GPR137B: variants seen among roughly 807,000 people sequenced by gnomAD.
GPR137B encodes the protein G protein-coupled receptor 137B.
In GPR137B, 42 loss-of-function variants were observed where a neutral mutation model predicts 42.5. The ratio of observed to expected loss-of-function variants is 0.99; its 90% CI spans 0.77 to 1.28. The LOEUF (loss-of-function observed/expected upper bound fraction) is 1.28, where lower values mean the gene tolerates loss of function less well. Among genes scored for constraint, GPR137B ranks in the 50% most tolerant of loss-of-function variants. The pLI is 0.00. For synonymous variants in GPR137B, 218 were observed against 209.7 expected (o/e 1.04, Z -0.34); for missense variants, 487 against 493.9 (o/e 0.99, Z 0.13).
intron 1 of GPR137B, among the ~76,000 whole-genome samples, chr1:236,151,418 A>ATTTTTTTTTTTTTT (rs60574023): frequency 1.4e-5 from 1 of 72,370 alleles, no homozygotes; most frequent in Non-Finnish European, 2.5e-5. Flanking sequence ...TTGCATATTC[A>ATTTTTTTTTTTTTT]TTTTTTTTTT....
chr1:236,179,126 G>A (rs1325657967), intron 3 of GPR137B, among the ~76,000 whole-genome samples: 2 of 151,860 alleles, frequency 1.3e-5, no homozygotes, highest in Non-Finnish European at 2.9e-5. Flanking sequence ...CAGAACTGTG[G>A]TTTTTAATAG....
chr1:236,208,175 T>A lies in GPR137B; in HGVS notation c.*17T>A. ...CTTGGGTAGCATCAGTTAACAGTTT[T>A]ATGGACGATTCCTCAGATGAAAAGC... On this transcript the variant is annotated 3_prime_UTR_variant, in exon 7 of 7. Transcript: ENST00000366592. The A allele has an allele frequency of 6.2e-7, 1 of 1,612,224 alleles. No individual in the cohort carries two copies. The highest frequency in any genetic ancestry group is 8.5e-7 in the Non-Finnish European group (1 of 1,178,926).
chr1:236,162,507 T>G (rs1276517868), intron 1 of GPR137B, among the ~76,000 whole-genome samples: 1 of 152,226 alleles, frequency 6.6e-6, no homozygotes, highest in East Asian at 1.9e-4. Context: ...CCCCAGGCCA[T>G]GTCAGAGACC....
intron 5 of GPR137B, among the ~76,000 whole-genome samples, chr1:236,190,806 T>C (rs1262062132): frequency 6.7e-6 from 1 of 150,138 alleles, no homozygotes. Context: ...GACGATTATG[T>C]GTCTGACGAT....
In GPR137B at chr1:236,208,738, ATTT is replaced by A. The variant is rs559622081; in HGVS notation, c.*588_*590del. Reference sequence around the variant, plus strand: ...GCAGCAGACTGTAAGGTCTTTAGAGATTTTTTTTTTAAGGTTCAGGCCGTAGGT... The same window carrying A: ...GCAGCAGACTGTAAGGTCTTTAGAGATTTTTTTAAGGTTCAGGCCGTAGGT... On this transcript the variant is annotated 3_prime_UTR_variant, in exon 7 of 7. Transcript: ENST00000366592. 2.1e-5 allele frequency: 19 copies of A among 890,754 alleles called. No individual in the cohort carries two copies. The East Asian group carries it at 1.8e-3, about 84-fold the overall frequency. 55.2% of individuals were successfully genotyped at this position (890,754 alleles called of 1,614,324 possible). A position where few individuals can be genotyped will look rare whatever the true frequency, so the allele number is the denominator to read the frequency against.
chr1:236,152,582 C>T (rs1345434165), intron 1 of GPR137B, among the ~76,000 whole-genome samples: 2 of 152,140 alleles, frequency 1.3e-5, no homozygotes, highest in East Asian at 3.9e-4. Flanking sequence ...CACGGTGAAA[C>T]CCCATCTCTA....
rs185173179 is a variant in GPR137B at position 236,184,171 on chromosome 1, T to G, written c.966+265T>G. The stretch of plus-strand genomic sequence containing the variant: ...TGGGGAAAGTGATTAACTATTTCTT[T>G]TAATGCACCATTGCCTCATTAGTAT... On this transcript the variant is annotated intron_variant, in intron 5 of 6. Coordinates refer to ENST00000366592, the MANE Select transcript of GPR137B (RefSeq NM_003272.4). 7.9e-5 allele frequency among the ~76,000 whole-genome samples: 12 copies of G among 152,360 alleles called. No homozygotes were observed. The East Asian group carries it at 2.1e-3, about 27-fold the overall frequency.
Position 236,142,715 on chromosome 1 carries a change from C to G in GPR137B, c.93C>G (p.Pro31=). ...CAGCCCGCAACGACTCGCTGCCGCC[C>G]ACGCTGACCCCGGCCGTGCCCCCCT... ...WDPARNDSLP[P]TLTPAVPPYV... The change falls in exon 1 of 7, where the codon CCC becomes CCG. Residue 31 remains proline (P), a synonymous_variant. Transcript: ENST00000366592. 1 of 1,605,178 alleles carries G rather than the reference C, an allele frequency of 6.2e-7. No individual in the cohort carries two copies. Among genetic ancestry groups the G allele is most frequent in the Non-Finnish European group, 8.5e-7 (1 of 1,178,206 alleles).
chr1:236,198,716 T>G (rs905299496), intron 5 of GPR137B, among the ~76,000 whole-genome samples: 1 of 152,224 alleles, frequency 6.6e-6, no homozygotes, highest in African/African-American at 2.4e-5. Flanking sequence ...AAGTATTTTG[T>G]TTTTGCAGCT....
rs1662008889 is a variant in GPR137B, at chr1:236,155,860, A to G, written c.414+12824A>G. On this transcript the variant is annotated intron_variant, in intron 1 of 6. Coordinates refer to ENST00000366592, the MANE Select transcript of GPR137B (RefSeq NM_003272.4). This position sits in a 1 kb window ranked among gnomAD's most constrained non-coding sequence, Gnocchi z 4.6. ...TTATCCCATTATCACTTATGAAATG[A>G]GGAATGCCTTGTGAGGACCAAGGTA... Among the ~76,000 whole-genome samples, 3 of 152,212 alleles carry G rather than the reference A, an allele frequency of 2.0e-5. No homozygotes were observed. The highest frequency in any genetic ancestry group is 4.4e-5 in the Non-Finnish European group (3 of 68,034).
chr1:236,175,934 A>G (rs1226584098), intron 2 of GPR137B, among the ~76,000 whole-genome samples: 1 of 152,200 alleles, frequency 6.6e-6, no homozygotes, highest in Admixed American at 6.5e-5. Flanking sequence ...CCAGGAAGAG[A>G]AGAAACACTC....
chr1:236,150,967 A>G lies in GPR137B; in HGVS notation c.414+7931A>G, dbSNP rs1347918303. Among the ~76,000 whole-genome samples, 1 of 152,158 alleles carries G rather than the reference A, an allele frequency of 6.6e-6. No individual in the cohort carries two copies. Among genetic ancestry groups the G allele is most frequent in the East Asian group, 1.9e-4 (1 of 5,196 alleles). On this transcript the variant is annotated intron_variant, in intron 1 of 6. Coordinates refer to ENST00000366592, the MANE Select transcript of GPR137B (RefSeq NM_003272.4). This position sits in a 1 kb window ranked among gnomAD's most constrained non-coding sequence, Gnocchi z 6.2. ...TGACAGTGAGGGGTGGGCTGCCCAG[A>G]GAGGAACATTTGCAAGATCCAAGAC...
chr1:236,169,791 G>T (rs552347690), intron 2 of GPR137B, among the ~76,000 whole-genome samples: 38 of 152,248 alleles, frequency 2.5e-4, no homozygotes, highest in African/African-American at 8.9e-4. Context: ...TGTAATCCCA[G>T]CACTTTGGGA....
At position 236,202,077 on chromosome 1, in the gene GPR137B, C is replaced by T. The variant is rs140530888; in HGVS notation, c.967-3049C>T. Among the ~76,000 whole-genome samples the T allele has an allele frequency of 6.5e-3, 989 of 152,124 alleles. 19 individuals carry two copies. Among genetic ancestry groups the T allele is most frequent in the African/African-American group, 0.021 (887 of 41,390 alleles). On this transcript the variant is annotated intron_variant, in intron 5 of 6. Transcript: ENST00000366592. Reference sequence around the variant, plus strand: ...TTGGACTGGTGCTGGGGAATGTCTGCAAAGAGTCCTGTGATGCAATTCATC... The same window carrying T: ...TTGGACTGGTGCTGGGGAATGTCTGTAAAGAGTCCTGTGATGCAATTCATC...
At chr1:236,145,338 C>G (rs577427288) in intron 1 of GPR137B, among the ~76,000 whole-genome samples, 1 of 152,278 alleles carries the variant, frequency 6.6e-6, no homozygotes, top group South Asian at 2.1e-4. Flanking sequence ...GCTTGGGCCC[C>G]CATCTCAGAC....
At position 236,159,038 on chromosome 1, in the gene GPR137B, A is replaced by G. The variant is rs747907705; in HGVS notation, c.415-9668A>G. Among the ~76,000 whole-genome samples, 12 of 152,178 alleles carry G rather than the reference A, an allele frequency of 7.9e-5. 1 individual carries two copies. Among genetic ancestry groups the G allele is most frequent in the Non-Finnish European group, 1.2e-4 (8 of 68,028 alleles). ...TTTCTGCCAGAAACACCACTAAGAC[A>G]TTAGTAAAAATGATTGTAACCCAGC... On this transcript the variant is annotated intron_variant, in intron 1 of 6. Coordinates refer to ENST00000366592, the MANE Select transcript of GPR137B (RefSeq NM_003272.4).
rs1662764867 is a variant in GPR137B at position 236,178,614 on chromosome 1, C to G, written c.665C>G (p.Ala222Gly). 1 of 1,607,768 alleles carries G rather than the reference C, an allele frequency of 6.2e-7. No individual in the cohort carries two copies. Among genetic ancestry groups the G allele is most frequent in the African/African-American group, 1.3e-5 (1 of 74,722 alleles). The change falls in exon 3 of 7, where the codon GCC (alanine) becomes GGC (glycine). Residue 222 changes from alanine to glycine, a missense_variant. Physicochemically the swap from Ala to Gly is moderately conservative, Grantham distance 60. Coordinates refer to ENST00000366592, the MANE Select transcript of GPR137B (RefSeq NM_003272.4). ...CLYKISKMSL[A>G]NIYLESKGSS... Reference sequence around the variant, plus strand: ...TACAAAATCTCTAAGATGTCCTTAGCCAACATTTACTTGGAGTCCAAGGTA... The same window carrying G: ...TACAAAATCTCTAAGATGTCCTTAGGCAACATTTACTTGGAGTCCAAGGTA...
rs915176940 is a variant in GPR137B at position 236,155,003 on chromosome 1, C to T, written c.414+11967C>T. On this transcript the variant is annotated intron_variant, in intron 1 of 6. Transcript: ENST00000366592. This position sits in a 1 kb window ranked among gnomAD's most constrained non-coding sequence, Gnocchi z 4.6. ...AATTTGTGGTTAAGCAGTTAAGAAA[C>T]ATAACAGTGATGGTAGGGCCTTGTG... Among the ~76,000 whole-genome samples, 1 of 152,240 alleles carries T rather than the reference C, an allele frequency of 6.6e-6. No homozygotes were observed. Among genetic ancestry groups the T allele is most frequent in the African/African-American group, 2.4e-5 (1 of 41,464 alleles).
intron 2 of GPR137B, among the ~76,000 whole-genome samples, chr1:236,176,350 C>T (rs1662685118): frequency 6.6e-6 from 1 of 152,156 alleles, no homozygotes; most frequent in South Asian, 2.1e-4. Flanking sequence ...GCACTGTTCC[C>T]ATCCCACTGC....
Sources: gnomAD v4.1 joint callset for allele counts (sites outside exome capture counted in the v4.1 genomes callset) on GRCh38, gnomAD v4.1.1 for gene constraint, Gnocchi (gnomAD v3.1) non-coding constraint, MANE v1.5 for transcripts, NCBI Gene and HGNC (gene_info 2026-07-23, HGNC 2026-07-21) for gene names.